EYS: variants seen among roughly 807,000 people sequenced by gnomAD.
EYS encodes the protein EGF-like photoreceptor maintenance factor.
A neutral mutation model predicts 282.1 loss-of-function variants in EYS; 250 were observed. The observed-to-expected ratio is 0.89, with a 90% CI of 0.80 to 0.98. EYS has a LOEUF of 0.98. EYS is among the 50% of genes least tolerant of loss of function. The pLI, the probability that EYS is intolerant of heterozygous loss-of-function variation, is 0.00. For missense variants in EYS, 4,016 were observed against 3,709.0 expected (o/e 1.08, Z -2.15); for synonymous variants, 1,355 against 1,282.9 (o/e 1.06, Z -1.20).
chr6:64,644,158 T>C (rs1768272015), intron 22 of EYS, among the ~76,000 whole-genome samples: 1 of 152,176 alleles, frequency 6.6e-6, no homozygotes, highest in Admixed American at 6.5e-5. Context: ...ACAGTCTACC[T>C]TTCAGTAAAG....
chr6:63,895,461 C>A (rs1396642968), intron 35 of EYS, among the ~76,000 whole-genome samples: 1 of 152,168 alleles, frequency 6.6e-6, no homozygotes, highest in African/African-American at 2.4e-5. Flanking sequence ...GAGTTGGAAT[C>A]AGGAACTAAA....
At chr6:65,645,250 A>G (rs1281206734) in intron 1 of EYS, among the ~76,000 whole-genome samples, 1 of 152,194 alleles carries the variant, frequency 6.6e-6, no homozygotes, top group Non-Finnish European at 1.5e-5. Flanking sequence ...TCATCAGCAT[A>G]TGGAACATTC....
intron 8 of EYS, among the ~76,000 whole-genome samples, chr6:65,380,520 A>G (rs1301738947): frequency 2.0e-5 from 3 of 152,198 alleles, no homozygotes; most frequent in Non-Finnish European, 2.9e-5. Flanking sequence ...TAAAAACCCT[A>G]GAAGAAAACC....
intron 26 of EYS, among the ~76,000 whole-genome samples, chr6:64,574,080 G>A (rs908821197): frequency 2.6e-5 from 4 of 152,096 alleles, no homozygotes; most frequent in Non-Finnish European, 5.9e-5. Context: ...TATATACCAC[G>A]GAATACTATG....
chr6:65,672,155 G>T (rs190982674), intron 1 of EYS, among the ~76,000 whole-genome samples: 6 of 152,170 alleles, frequency 3.9e-5, no homozygotes, highest in Admixed American at 3.3e-4. Flanking sequence ...TGTCCCTCAG[G>T]GGGAAAAGAG....
chr6:65,571,552 G>T (rs187167782), intron 2 of EYS, among the ~76,000 whole-genome samples: 1 of 150,804 alleles, frequency 6.6e-6, no homozygotes, highest in Non-Finnish European at 1.5e-5. Flanking sequence ...TAATCTTCTA[G>T]GTCAAAAAAA....
intron 1 of EYS, among the ~76,000 whole-genome samples, chr6:65,656,410 C>G (rs555461917): frequency 6.6e-6 from 1 of 151,768 alleles, no homozygotes; most frequent in Non-Finnish European, 1.5e-5. Context: ...AGCGGAAGTT[C>G]GTGAGGGAAA....
At chr6:64,931,503 CT>C (rs1274013084) in intron 15 of EYS, among the ~76,000 whole-genome samples, 5 of 151,858 alleles carry the variant, frequency 3.3e-5, no homozygotes, top group African/African-American at 1.2e-4. Context: ...AAAATAATCT[CT>C]TTTTAGTGTT....
rs190824634 is a variant in EYS at position 64,590,184 on chromosome 6, A to G, written c.5644+39T>C. The G allele has an allele frequency of 4.0e-3, 5,918 of 1,463,232 alleles. 18 individuals are homozygous for G. Among genetic ancestry groups the G allele is most frequent in the Middle Eastern group, 5.4e-3 (30 of 5,576 alleles). The allele number at this position is 1,463,232 out of a possible 1,614,324, so 90.6% of individuals were successfully genotyped here. A position where few individuals can be genotyped will look rare whatever the true frequency, so the allele number is the denominator to read the frequency against. ...TTTCTTCTCTGTAGAAAAGAAACTC[A>G]TTTCTAAAAGTTTACTGAACAGAAA... On this transcript the variant is annotated intron_variant, in intron 26 of 42. Coordinates refer to ENST00000503581, the MANE Select transcript of EYS (RefSeq NM_001142800.2).
chr6:63,984,437 C>G lies in EYS; in HGVS notation c.7001G>C (p.Cys2334Ser). 6.5e-7 allele frequency: 1 copy of G among 1,549,652 alleles called. No individual in the cohort carries two copies. The highest frequency in any genetic ancestry group is 1.4e-5 in the African/African-American group (1 of 72,932). Residue 2334 changes from cysteine (C) to serine (S), a missense_variant, in exon 35 of 43, where the codon TGC becomes TCC. By Grantham distance (112) the Cys-to-Ser change is moderately radical. Transcript: ENST00000503581. The stretch of plus-strand genomic sequence containing the variant: ...ATGATGAGCACACCAAGGGACGTGG[C>G]AGTTCTCAATATTCTTTCCATGTCG... ...EARHGKNIENCHVPWCAHHLC... is the reference protein window; with the variant it reads ...EARHGKNIENSHVPWCAHHLC...
chr6:64,780,279 G>A (rs1773818457), intron 22 of EYS, among the ~76,000 whole-genome samples: 1 of 152,206 alleles, frequency 6.6e-6, no homozygotes, highest in South Asian at 2.1e-4. Flanking sequence ...TTATTTAAAT[G>A]TGGATTTTTG....
chr6:65,213,462 T>C (rs1200116648), intron 12 of EYS, among the ~76,000 whole-genome samples: 3 of 152,200 alleles, frequency 2.0e-5, no homozygotes, highest in Admixed American at 2.0e-4. Context: ...GCACTGAGCA[T>C]GTATTGGCTT....
At chr6:65,352,689 A>T (rs978207889) in intron 9 of EYS, among the ~76,000 whole-genome samples, 3 of 151,848 alleles carry the variant, frequency 2.0e-5, no homozygotes, top group South Asian at 4.1e-4. Flanking sequence ...TATTACTCCA[A>T]CCAACTCCCT....
chr6:64,953,147 G>T lies in EYS; in HGVS notation c.2260-7233C>A, dbSNP rs537992228. On this transcript the variant is annotated intron_variant, in intron 14 of 42. Transcript: ENST00000503581. ...AAAATCCCCATTGAAAGAAAACTTG[G>T]ATTGCTTCCATTTTGAAAAGTTTTT... 2.0e-4 allele frequency among the ~76,000 whole-genome samples: 30 copies of T among 151,826 alleles called. 1 individual carries two copies. The South Asian group carries it at 5.8e-3, about 29-fold the overall frequency.
chr6:63,936,654 A>G (rs927371928), intron 35 of EYS, among the ~76,000 whole-genome samples: 3 of 152,206 alleles, frequency 2.0e-5, no homozygotes, highest in African/African-American at 7.2e-5. Flanking sequence ...CTGTTTATCC[A>G]TCTAACTGGG....
At chr6:65,470,635 C>A (rs1765176210) in intron 5 of EYS, among the ~76,000 whole-genome samples, 1 of 152,010 alleles carries the variant, frequency 6.6e-6, no homozygotes, top group Admixed American at 6.6e-5. Flanking sequence ...GTTAGCCAGT[C>A]CAAAGACATG....
At chr6:64,346,555 G>C (rs951959720) in intron 29 of EYS, among the ~76,000 whole-genome samples, 3 of 151,698 alleles carry the variant, frequency 2.0e-5, no homozygotes, top group Non-Finnish European at 2.9e-5. Context: ...ATTGTTGTGG[G>C]GTGGGGGGAG....
chr6:64,423,213 G>A (rs1224279676), intron 28 of EYS, among the ~76,000 whole-genome samples: 2 of 152,020 alleles, frequency 1.3e-5, no homozygotes, highest in East Asian at 1.9e-4. Flanking sequence ...AACAATTATT[G>A]ATATGAAAAC....
chr6:64,196,024 A>C (rs1765275888), intron 31 of EYS, among the ~76,000 whole-genome samples: 1 of 152,172 alleles, frequency 6.6e-6, no homozygotes. Context: ...CAGAATCTAC[A>C]ATGAACTCAA....
Sources: gnomAD v4.1 joint callset for allele counts (sites outside exome capture counted in the v4.1 genomes callset) on GRCh38, gnomAD v4.1.1 for gene constraint, MANE v1.5 for transcripts, NCBI Gene and HGNC (gene_info 2026-07-23, HGNC 2026-07-21) for gene names.